Variants in LAMA2 observed in about 807,000 individuals in gnomAD.
LAMA2 encodes the protein laminin subunit alpha 2, also known as laminin subunit alpha-2.
LAMA2 carries 269 observed loss-of-function variants against 364.8 expected under a neutral mutation model. The observed-to-expected ratio is 0.74, with a 90% CI of 0.67 to 0.82. LAMA2 has a LOEUF of 0.82. Among genes scored for constraint, LAMA2 ranks in the 40% least tolerant of loss-of-function variants. LAMA2 has a pLI of 0.00. For synonymous variants in LAMA2, 1,379 were observed against 1,370.6 expected (o/e 1.01, Z -0.14); for missense variants, 3,807 against 3,873.2 (o/e 0.98, Z 0.45).
intron 12 of LAMA2, among the ~76,000 whole-genome samples, chr6:129,234,963 G>C (rs982544130): frequency 2.6e-5 from 4 of 152,116 alleles, no homozygotes; most frequent in Non-Finnish European, 4.4e-5. Context: ...AGTTCACCAG[G>C]TCTTATTCTA....
intron 8 of LAMA2, among the ~76,000 whole-genome samples, chr6:129,163,979 T>C (rs1779591742): frequency 6.6e-6 from 1 of 152,242 alleles, no homozygotes; most frequent in Non-Finnish European, 1.5e-5. Context: ...CTTCCTTGTA[T>C]GCTAATTTCA....
chr6:129,366,613 A>C (rs1777795143), intron 33 of LAMA2, among the ~76,000 whole-genome samples: 1 of 152,220 alleles, frequency 6.6e-6, no homozygotes, highest in African/African-American at 2.4e-5. Flanking sequence ...ATGTCACTTA[A>C]ATATGTGCAA....
chr6:129,483,043 C>T lies in LAMA2; in HGVS notation c.7749+1604C>T, dbSNP rs118063594. Among the ~76,000 whole-genome samples, 1,033 of 139,430 alleles carry T rather than the reference C, an allele frequency of 7.4e-3. 4 individuals are homozygous for T. Among genetic ancestry groups the T allele is most frequent in the Non-Finnish European group, 0.011 (737 of 66,184 alleles). The allele number at this position is 139,430 out of a possible 152,430, so 91.5% of individuals were successfully genotyped here. On this transcript the variant is annotated intron_variant, in intron 55 of 64. Coordinates refer to ENST00000421865, the MANE Select transcript of LAMA2 (RefSeq NM_000426.4). ...GATTGTGCCATTGCACTCCAGCCTG[C>T]GCGACAATGTGAGACTCCGACTCGA...
At chr6:129,366,817 G>A (rs761641022) in intron 33 of LAMA2, among the ~76,000 whole-genome samples, 1 of 152,212 alleles carries the variant, frequency 6.6e-6, no homozygotes, top group Non-Finnish European at 1.5e-5. Flanking sequence ...CAGAGATGAT[G>A]TGGTAACTCA....
At chr6:129,443,024 A>ATT in intron 43 of LAMA2, 39 bp from the exon 44 acceptor site, 5 of 1,492,256 alleles carry the variant, frequency 3.4e-6, no homozygotes, top group Middle Eastern at 2.1e-4. Context: ...TGAATTTATA[A>ATT]TTTTTTTTTG....
At chr6:128,896,338 G>A (rs1776770023) in intron 1 of LAMA2, among the ~76,000 whole-genome samples, 1 of 151,208 alleles carries the variant, frequency 6.6e-6, no homozygotes, top group Admixed American at 6.6e-5. Flanking sequence ...TTCAATGTTA[G>A]ACAAAGTGAA....
chr6:128,883,150 AGCT>A lies in LAMA2; in HGVS notation c.-89_-87del, dbSNP rs568369254. 1,754 of 1,227,066 alleles carry A rather than the reference AGCT, an allele frequency of 1.4e-3. 23 individuals carry two copies. In the African/African-American group the frequency reaches 0.022, roughly 15 times the overall value. 76.0% of individuals were successfully genotyped at this position (1,227,066 alleles called of 1,614,324 possible). A position where few individuals can be genotyped will look rare whatever the true frequency, so the allele number is the denominator to read the frequency against. On this transcript the variant is annotated 5_prime_UTR_variant, in exon 1 of 65. Transcript: ENST00000421865. Reference sequence around the variant, plus strand: ...GGGCTGTCTCCTCCTCTTCCCCAGCAGCTGCTGCTCGCTCAGCTCACAAGCCAA... The same window carrying A: ...GGGCTGTCTCCTCCTCTTCCCCAGCAGCTGCTCGCTCAGCTCACAAGCCAA...
chr6:129,442,451 T>G (rs1243309168), intron 43 of LAMA2, among the ~76,000 whole-genome samples: 1 of 152,168 alleles, frequency 6.6e-6, no homozygotes, highest in Non-Finnish European at 1.5e-5. Context: ...ATATTCCCAC[T>G]AAAAATGAAT....
intron 29 of LAMA2, among the ~76,000 whole-genome samples, chr6:129,330,554 T>C (rs1775568652): frequency 6.6e-6 from 1 of 151,776 alleles, no homozygotes; most frequent in African/African-American, 2.4e-5. Context: ...CTTGTGCCTC[T>C]CTGGTCTCCA....
intron 1 of LAMA2, among the ~76,000 whole-genome samples, chr6:129,021,460 T>C (rs1243431937): frequency 6.6e-6 from 1 of 152,206 alleles, no homozygotes; most frequent in Non-Finnish European, 1.5e-5. Flanking sequence ...TTTCTTAAAC[T>C]GATACAGAAA....
chr6:129,080,169 C>T (rs550909457), intron 3 of LAMA2, among the ~76,000 whole-genome samples: 3 of 151,976 alleles, frequency 2.0e-5, no homozygotes, highest in African/African-American at 7.2e-5. Flanking sequence ...TTTTCAACTC[C>T]GTAAGAAAGA....
chr6:129,280,618 A>G (rs1788652569), intron 18 of LAMA2, among the ~76,000 whole-genome samples: 1 of 152,190 alleles, frequency 6.6e-6, no homozygotes, highest in East Asian at 1.9e-4. Flanking sequence ...ATCATGATTT[A>G]TATCCTCTTC....
rs1785883853 is a variant in LAMA2 at position 129,247,972 on chromosome 6, A to G, written c.1783-2140A>G. Among the ~76,000 whole-genome samples, 5 of 151,786 alleles carry G rather than the reference A, an allele frequency of 3.3e-5. No homozygotes were observed. In the South Asian group the frequency reaches 1.0e-3, roughly 32 times the overall value. ...TTCCTCTCTCATAGTATTTTAGTTT[A>G]TGTCAGGGATCCCCAACTCCCGGGC... On this transcript the variant is annotated intron_variant, in intron 12 of 64. Transcript: ENST00000421865.
intron 1 of LAMA2, among the ~76,000 whole-genome samples, chr6:128,973,227 G>A (rs1463641276): frequency 6.6e-6 from 1 of 152,116 alleles, no homozygotes; most frequent in East Asian, 1.9e-4. Flanking sequence ...GTGATAATGA[G>A]CCCAGGACAT....
intron 12 of LAMA2, among the ~76,000 whole-genome samples, chr6:129,232,302 T>C (rs985876123): frequency 6.6e-6 from 1 of 152,134 alleles, no homozygotes; most frequent in African/African-American, 2.4e-5. Flanking sequence ...TAAATGACAT[T>C]ACATAGATAG....
rs1780123165 is a variant in LAMA2 at position 129,404,097 on chromosome 6, C to A, written c.5865+138C>A. On this transcript the variant is annotated intron_variant, in intron 40 of 64. Transcript: ENST00000421865. Reference sequence around the variant, plus strand: ...TTTGAAGACCTCTTTTAAAATTTGCCTAAAATAAATTCTCGGTATGCTATA... The same window carrying A: ...TTTGAAGACCTCTTTTAAAATTTGCATAAAATAAATTCTCGGTATGCTATA... 21 of 926,694 alleles carry A rather than the reference C, an allele frequency of 2.3e-5. 2 individuals are homozygous for A. In the South Asian group the frequency reaches 3.3e-4, roughly 14 times the overall value. 57.4% of individuals were successfully genotyped at this position (926,694 alleles called of 1,614,324 possible). A position where few individuals can be genotyped will look rare whatever the true frequency, so the allele number is the denominator to read the frequency against.
intron 12 of LAMA2, among the ~76,000 whole-genome samples, chr6:129,225,624 T>G (rs1304725182): frequency 6.6e-6 from 1 of 152,232 alleles, no homozygotes; most frequent in Non-Finnish European, 1.5e-5. Flanking sequence ...GTTGTTCAGT[T>G]TCCATGTAGT....
chr6:128,942,179 A>G (rs1404811901), intron 1 of LAMA2, among the ~76,000 whole-genome samples: 2 of 152,140 alleles, frequency 1.3e-5, no homozygotes, highest in East Asian at 1.9e-4. Flanking sequence ...TTTCATAGCC[A>G]TAACTTTCGT....
chr6:128,972,842 C>A (rs570388328), intron 1 of LAMA2, among the ~76,000 whole-genome samples: 1 of 152,012 alleles, frequency 6.6e-6, no homozygotes, highest in East Asian at 1.9e-4. Flanking sequence ...ACCTCGGGAA[C>A]CACTCTAATT....
Sources: gnomAD v4.1 joint callset for allele counts (sites outside exome capture counted in the v4.1 genomes callset) on GRCh38, gnomAD v4.1.1 for gene constraint, MANE v1.5 for transcripts, NCBI Gene and HGNC (gene_info 2026-07-23, HGNC 2026-07-21) for gene names.